The following NAA11 variants were observed in gnomAD, a reference collection of about 807,000 sequenced individuals.
NAA11 encodes the protein N-alpha-acetyltransferase 11.
Under a neutral mutation model 16.1 loss-of-function variants are expected in NAA11, and 15 were observed. The ratio of observed to expected loss-of-function variants is 0.93; its 90% confidence interval spans 0.62 to 1.44. NAA11 has a LOEUF of 1.44. NAA11 is among the 40% of genes most tolerant of loss of function. NAA11 has a pLI of 0.00. For missense variants in NAA11, 298 were observed against 291.3 expected, an observed-to-expected ratio of 1.02 and a Z score of -0.17; for synonymous variants, 122 against 112.4, an observed-to-expected ratio of 1.09 and a Z score of -0.54.
chr4:79,182,948 T>G, the NAA11 span, among the ~76,000 whole-genome samples: 1 of 152,168 alleles, frequency 6.6e-6, no homozygotes, highest in Non-Finnish European at 1.5e-5. Context: ...GAAACTAGTA[T>G]ACAAAGCCCT....
At chr4:79,310,757 C>G (rs1218936243) in intron 1 of NAA11, among the ~76,000 whole-genome samples, 1 of 152,172 alleles carries the variant, frequency 6.6e-6, no homozygotes, top group African/African-American at 2.4e-5. Flanking sequence ...AGGAGCAAGT[C>G]TGCCAGTTAT....
chr4:79,279,721 G>A (rs983585246), intron 2 of NAA11, among the ~76,000 whole-genome samples: 1 of 152,054 alleles, frequency 6.6e-6, no homozygotes, highest in Non-Finnish European at 1.5e-5. Flanking sequence ...TAATAAAGGT[G>A]AAAATATGTT....
chr4:79,323,617 A>G (rs960903150), intron 1 of NAA11, among the ~76,000 whole-genome samples: 3 of 152,210 alleles, frequency 2.0e-5, no homozygotes, highest in African/African-American at 4.8e-5. Context: ...TCAGGAGATC[A>G]AGACCATCCT....
intron 2 of NAA11, chr4:79,293,996 C>G (rs573722906): frequency 6.6e-6 from 1 of 152,450 alleles, no homozygotes; most frequent in East Asian, 1.9e-4. Flanking sequence ...CTCTCAAACC[C>G]TCTCTTACCT....
chr4:79,214,804 AAT>A, the NAA11 span, among the ~76,000 whole-genome samples: 1 of 152,068 alleles, frequency 6.6e-6, no homozygotes, highest in Non-Finnish European at 1.5e-5. Flanking sequence ...TCTAAAAAAA[AAT>A]AAAAATAAAA....
intron 1 of NAA11, among the ~76,000 whole-genome samples, chr4:79,298,734 G>A (rs1723298001): frequency 6.6e-6 from 1 of 152,208 alleles, no homozygotes; most frequent in Non-Finnish European, 1.5e-5. Context: ...CAGACCAGTG[G>A]TATGAGCCGA....
the NAA11 span, among the ~76,000 whole-genome samples, chr4:79,175,309 T>G: frequency 6.6e-6 from 1 of 152,156 alleles, no homozygotes; most frequent in African/African-American, 2.4e-5. Context: ...GCTAAGTGTA[T>G]GCATCACAAA....
downstream of NAA11, among the ~76,000 whole-genome samples, chr4:79,313,409 C>T (rs1163531528): frequency 1.3e-5 from 2 of 152,190 alleles, no homozygotes; most frequent in East Asian, 3.8e-4. Flanking sequence ...GGACTCCGCA[C>T]TCTGTGTCTT....
At chr4:79,320,434 T>C (rs1456589580) in intron 1 of NAA11, among the ~76,000 whole-genome samples, 1 of 152,234 alleles carries the variant, frequency 6.6e-6, no homozygotes, top group African/African-American at 2.4e-5. Context: ...GCAATTTACA[T>C]AGATTGACTC....
chr4:79,210,884 G>A, the NAA11 span, among the ~76,000 whole-genome samples: 2 of 152,176 alleles, frequency 1.3e-5, no homozygotes, highest in Non-Finnish European at 2.9e-5. Context: ...GTAAAATGGC[G>A]AGAGTGATGG....
intron 2 of NAA11, among the ~76,000 whole-genome samples, chr4:79,280,868 A>C (rs1722769700): frequency 6.6e-6 from 1 of 152,092 alleles, no homozygotes; most frequent in South Asian, 2.1e-4. Flanking sequence ...TAGGGACTAC[A>C]TTGAGGAAAG....
chr4:79,193,341 G>A, the NAA11 span, among the ~76,000 whole-genome samples: 1 of 151,996 alleles, frequency 6.6e-6, no homozygotes, highest in Non-Finnish European at 1.5e-5. Flanking sequence ...TTTCTTCTAG[G>A]GTTTTTATGG....
the NAA11 span, among the ~76,000 whole-genome samples, chr4:79,180,199 T>G: frequency 6.6e-6 from 1 of 152,190 alleles, no homozygotes; most frequent in African/African-American, 2.4e-5. Context: ...AATGAAAGAA[T>G]GGAGTTTGTT....
At chr4:79,303,908 C>G (rs1346846186) in intron 1 of NAA11, among the ~76,000 whole-genome samples, 3 of 152,156 alleles carry the variant, frequency 2.0e-5, no homozygotes, top group Non-Finnish European at 4.4e-5. Context: ...TTTCTGACCT[C>G]TTTCATCTTT....
chr4:79,161,883 A>G, the NAA11 span, among the ~76,000 whole-genome samples: 71,602 of 151,938 alleles, frequency 0.47, 20,386 homozygotes, highest in East Asian at 0.93. Flanking sequence ...GGGTTTCACC[A>G]TATTGGCCAG....
the NAA11 span, among the ~76,000 whole-genome samples, chr4:79,209,793 C>A: frequency 6.6e-6 from 1 of 151,952 alleles, no homozygotes; most frequent in East Asian, 1.9e-4. Context: ...CATGTATAAT[C>A]CCAATACTTT....
chr4:79,185,065 G>A, the NAA11 span, among the ~76,000 whole-genome samples: 2 of 151,766 alleles, frequency 1.3e-5, no homozygotes, highest in Non-Finnish European at 2.9e-5. Context: ...GCCTGAGTTT[G>A]TTTTTTTAAT....
chr4:79,172,124 T>C, the NAA11 span, among the ~76,000 whole-genome samples: 1 of 152,154 alleles, frequency 6.6e-6, no homozygotes, highest in Non-Finnish European at 1.5e-5. Flanking sequence ...TAAGTTTATA[T>C]TCTTTTCTTT....
At chr4:79,193,669 A>C in the NAA11 span, among the ~76,000 whole-genome samples, 1 of 152,126 alleles carries the variant, frequency 6.6e-6, no homozygotes, top group Non-Finnish European at 1.5e-5. Context: ...TGATGCCTCC[A>C]GCTTTGTTCT....
Sources: allele counts gnomAD v4.1 joint callset (sites outside exome capture counted in the v4.1 genomes callset), GRCh38; gene constraint gnomAD v4.1.1; transcripts MANE v1.5; gene names NCBI Gene and HGNC (gene_info 2026-07-23, HGNC 2026-07-21).